Variants in CEP295NL observed in about 807,000 individuals in gnomAD.
The protein encoded by CEP295NL is CEP295 N-terminal like.
Under a neutral mutation model 4.6 loss-of-function variants are expected in CEP295NL, and 3 were observed. The ratio of observed to expected loss-of-function variants is 0.65; its 90% CI spans 0.30 to 1.69. The LOEUF is 1.69. Among genes scored for constraint, CEP295NL ranks in the 40% most tolerant of loss-of-function variants. The pLI, the probability that CEP295NL is intolerant of heterozygous loss-of-function variation, is 0.10. For synonymous variants in CEP295NL, 295 were observed against 312.2 expected, an observed-to-expected ratio of 0.94 and a Z score of 0.58; for missense variants, 719 against 769.0, an observed-to-expected ratio of 0.93 and a Z score of 0.77.
chr17:78,890,754 GGTCGTCGTCGGCGA>G lies in CEP295NL; in HGVS notation c.1736_1749del (p.Leu579ProfsTer25). On this transcript the variant is annotated frameshift_variant, in exon 3 of 3. Coordinates refer to ENST00000322630, the MANE Select transcript of CEP295NL (RefSeq NM_001243540.2). LOFTEE classifies it high-confidence loss of function. ...TGGTCTCGGATCATCTGACTGTGCC[GGTCGTCGTCGGCGA>G]GGCTGGTGCCCGATGGGGAAGTGGT... The G allele has an allele frequency of 6.4e-7, 1 of 1,550,626 alleles. No homozygotes were observed. Among genetic ancestry groups the G allele is most frequent in the Non-Finnish European group, 8.7e-7 (1 of 1,147,012 alleles).
At chr17:78,892,723 A>G (rs1210270375) in intron 2 of CEP295NL, among the ~76,000 whole-genome samples, 1 of 152,146 alleles carries the variant, frequency 6.6e-6, no homozygotes, top group African/African-American at 2.4e-5. Context: ...GTCTGGAAAC[A>G]TTTTCTATTG....
intron 1 of CEP295NL, 85 bp from the exon 2 acceptor site, chr17:78,902,011 T>G: frequency 1.8e-6 from 1 of 570,490 alleles, no homozygotes; most frequent in African/African-American, 1.9e-5. Flanking sequence ...CCTCTAAAAA[T>G]ACCCTCCATG....
rs140056049 is a variant in CEP295NL at position 78,894,149 on chromosome 17, C to T, written c.45-1690G>A. ...TCCCCTCTGAGCACTGGGCATGTAT[C>T]CGTTCATCTTTTTTACAGTAATCCT... On this transcript the variant is annotated intron_variant, in intron 2 of 2. Coordinates refer to ENST00000322630, the MANE Select transcript of CEP295NL (RefSeq NM_001243540.2). Among the ~76,000 whole-genome samples the T allele has an allele frequency of 4.9e-3, 743 of 152,250 alleles. 4 individuals are homozygous for T. The highest frequency in any genetic ancestry group is 0.017 in the African/African-American group (694 of 41,542).
intron 2 of CEP295NL, among the ~76,000 whole-genome samples, chr17:78,895,917 T>C (rs981716904): frequency 4.6e-5 from 7 of 152,238 alleles, no homozygotes; most frequent in African/African-American, 1.7e-4. Flanking sequence ...TGGACAAGTC[T>C]TCCCTGCTCT....
At position 78,891,079 on chromosome 17, in the gene CEP295NL, G is replaced by T; in HGVS notation, c.1425C>A (p.Pro475=). The change falls in exon 3 of 3, where the codon CCC becomes CCA. Residue 475 remains proline, a synonymous_variant. Coordinates refer to ENST00000322630, the MANE Select transcript of CEP295NL (RefSeq NM_001243540.2). This position sits in a 1 kb window ranked among gnomAD's most constrained non-coding sequence, Gnocchi z 4.5. ...AGCCCTCTGCCAGCGTGCCCAGTTT[G>T]GGGGTCTCTTGTCCAGATTCAGTGC... ...LYSTESGQET[P]KLGTLAEGSL... is the part of the protein sequence containing the mutation. 1.3e-6 allele frequency: 2 copies of T among 1,550,966 alleles called. No homozygotes were observed. The highest frequency in any genetic ancestry group is 1.7e-6 in the Non-Finnish European group (2 of 1,147,070).
Position 78,890,814 on chromosome 17 carries a change from C to G in CEP295NL, c.1690G>C (p.Glu564Gln). 1 of 1,550,632 alleles carries G rather than the reference C, an allele frequency of 6.4e-7. No individual in the cohort carries two copies. Among genetic ancestry groups the G allele is most frequent in the Non-Finnish European group, 8.7e-7 (1 of 1,147,004 alleles). The change falls in exon 3 of 3, where the codon GAG becomes CAG. Residue 564 changes from glutamate (E) to glutamine (Q), a missense_variant. Physicochemically the swap from Glu to Gln is conservative, Grantham distance 29 (BLOSUM62 2). Coordinates refer to ENST00000322630, the MANE Select transcript of CEP295NL (RefSeq NM_001243540.2). ...KSSSTRAQER[E>Q]RGSELSTTSP... is the part of the protein sequence containing the mutation. ...GTGGTGCTGAGCTCAGATCCTCTCT[C>G]CCTTTCCTGGGCTCTCGTGGAGGAG... is the stretch of plus-strand genomic sequence containing the variant.
At position 78,891,894 on chromosome 17, in the gene CEP295NL, G is replaced by C. The variant is rs1198919270; in HGVS notation, c.610C>G (p.Pro204Ala). 6.4e-7 allele frequency: 1 copy of C among 1,550,502 alleles called. No homozygotes were observed. The highest frequency in any genetic ancestry group is 8.7e-7 in the Non-Finnish European group (1 of 1,147,012). Reference sequence around the variant, plus strand: ...CGACCCGTGGCTTTTGTAGTCTGTGGTTTCTCTGGACTCGCTGCTGTCTTC... The same window carrying C: ...CGACCCGTGGCTTTTGTAGTCTGTGCTTTCTCTGGACTCGCTGCTGTCTTC... ...PRKTAASPEKPQTTKATGRMN... is the reference protein window; with the variant it reads ...PRKTAASPEKAQTTKATGRMN... The change falls in exon 3 of 3, where the codon CCA becomes GCA. Residue 204 changes from proline (P) to alanine (A), a missense_variant. By Grantham distance (27) the Pro-to-Ala change is conservative. Transcript: ENST00000322630. This position sits in a 1 kb window ranked among gnomAD's most constrained non-coding sequence, Gnocchi z 4.5.
chr17:78,897,105 C>T (rs1289261485), intron 2 of CEP295NL: 3 of 552,714 alleles, frequency 5.4e-6, no homozygotes, highest in Non-Finnish European at 6.9e-6. Context: ...ACCCCCCCGC[C>T]CCCCGCCGGC....
In CEP295NL at chr17:78,892,475, C is replaced by T. The variant is rs764364239; in HGVS notation, c.45-16G>A. On this transcript the variant is annotated splice_polypyrimidine_tract_variant and intron_variant, in intron 2 of 2. Transcript: ENST00000322630. ...CACAGCAAACCTACGAGGAAGGGAG[C>T]ACAAGTGCAGCTTTCCAGATCGCTC... is the stretch of plus-strand genomic sequence containing the variant. The T allele has an allele frequency of 7.1e-5, 109 of 1,537,976 alleles. No homozygotes were observed. The South Asian group carries it at 1.1e-3, about 16-fold the overall frequency.
Position 78,890,924 on chromosome 17 carries a change from T to C in CEP295NL, c.1580A>G (p.Asp527Gly), listed in dbSNP as rs781569818. 1.1e-4 allele frequency: 174 copies of C among 1,550,796 alleles called. 2 individuals carry two copies. In the South Asian group the frequency reaches 1.3e-3, roughly 12 times the overall value. The change falls in exon 3 of 3, where the codon GAT becomes GGT. Residue 527 changes from aspartate (D) to glycine (G), a missense_variant. Asp to Gly is a moderately conservative substitution (Grantham distance 94, BLOSUM62 -1). Transcript: ENST00000322630. ...LESLEQMEHP[D>G]MSLEIHYKAE... is the part of the protein sequence containing the mutation. The stretch of plus-strand genomic sequence containing the variant: ...TTTGTAGTGGATTTCCAAGCTCATA[T>C]CTGGGTGTTCCATTTGTTCAAGCGA...
chr17:78,891,889 CTG>C lies in CEP295NL; in HGVS notation c.613_614del (p.Gln205AspfsTer16), dbSNP rs1372071748. The C allele has an allele frequency of 6.4e-7, 1 of 1,550,496 alleles. No homozygotes were observed. The highest frequency in any genetic ancestry group is 2.0e-5 in the Admixed American group (1 of 50,984). ...TCATCCGACCCGTGGCTTTTGTAGT[CTG>C]TGGTTTCTCTGGACTCGCTGCTGTC... ...RKTAASPEKP[Q>X]TTKATGRMNS... On this transcript the variant is annotated frameshift_variant, in exon 3 of 3. Transcript: ENST00000322630. LOFTEE classifies it low-confidence loss of function (END_TRUNC). The surrounding 1 kb of genome is among the most constrained non-coding windows in gnomAD (Gnocchi z 4.5).
chr17:78,897,979 T>C (rs1484075755), intron 2 of CEP295NL: 1 of 152,160 alleles, frequency 6.6e-6, no homozygotes, highest in Admixed American at 6.5e-5. Flanking sequence ...CAGGAATTGA[T>C]TTCCCCCATG....
chr17:78,890,830 C>G lies in CEP295NL; in HGVS notation c.1674G>C (p.Thr558=). The change falls in exon 3 of 3, where the codon ACG becomes ACC. Residue 558 remains threonine (T), a synonymous_variant. Transcript: ENST00000322630. ...ARLAHLKSSS[T]RAQERERGSE... ...ATCCTCTCTCCCTTTCCTGGGCTCT[C>G]GTGGAGGAGGACTTCAGATGGGCCA... is the stretch of plus-strand genomic sequence containing the variant. 6.4e-7 allele frequency: 1 copy of G among 1,550,594 alleles called. No individual in the cohort carries two copies. The highest frequency in any genetic ancestry group is 8.7e-7 in the Non-Finnish European group (1 of 1,147,008).
At chr17:78,894,085 T>C (rs2069960549) in intron 2 of CEP295NL, among the ~76,000 whole-genome samples, 2 of 152,118 alleles carry the variant, frequency 1.3e-5, no homozygotes, top group Non-Finnish European at 1.5e-5. Flanking sequence ...AGTCAGAAAA[T>C]ACTGCATCTA....
In CEP295NL at chr17:78,891,580, G is replaced by C. The variant is rs146557082; in HGVS notation, c.924C>G (p.Leu308=). ...GQSLEGKLRD[L]GQLWPADSSC... ...TGGAATCAGCTGGCCACAGCTGCCC[G>C]AGGTCTCTCAGCTTCCCCTCCAGAC... The change falls in exon 3 of 3, where the codon CTC becomes CTG. Residue 308 remains leucine, a synonymous_variant. Transcript: ENST00000322630. The surrounding 1 kb of genome is among the most constrained non-coding windows in gnomAD (Gnocchi z 4.5). 11 of 1,550,702 alleles carry C rather than the reference G, an allele frequency of 7.1e-6. No homozygotes were observed. The African/African-American group carries it at 1.4e-4, about 19-fold the overall frequency.
chr17:78,900,096 G>A (rs188544137), intron 2 of CEP295NL: 1 of 152,100 alleles, frequency 6.6e-6, no homozygotes, highest in Non-Finnish European at 1.5e-5. Context: ...GAAATCCCTC[G>A]AGGGCTTTTA....
At chr17:78,893,262 GGT>G (rs565507030) in intron 2 of CEP295NL, among the ~76,000 whole-genome samples, 155 of 140,760 alleles carry the variant, frequency 1.1e-3, no homozygotes, top group East Asian at 6.9e-3. Flanking sequence ...TGTGTGCAGG[GGT>G]GTGTGTGTAG....
chr17:78,892,632 T>C (rs2145771505), intron 2 of CEP295NL, 173 bp from the exon 3 acceptor site: 1 of 973,888 alleles, frequency 1.0e-6, no homozygotes, highest in East Asian at 2.7e-5. Context: ...CCAATTTCTG[T>C]CCTGTACACT....
chr17:78,891,843 C>T lies in CEP295NL; in HGVS notation c.661G>A (p.Glu221Lys), dbSNP rs748045323. 1 of 1,550,742 alleles carries T rather than the reference C, an allele frequency of 6.4e-7. No homozygotes were observed. Among genetic ancestry groups the T allele is most frequent in the South Asian group, 1.2e-5 (1 of 84,066 alleles). Residue 221 changes from glutamate (E) to lysine (K), a missense_variant, in exon 3 of 3, where the codon GAG becomes AAG. Coordinates refer to ENST00000322630, the MANE Select transcript of CEP295NL (RefSeq NM_001243540.2). This position sits in a 1 kb window ranked among gnomAD's most constrained non-coding sequence, Gnocchi z 4.5. ...GRMNSHLAPP[E>K]KRKGRPEPST... ...GGTTCTGGCCTTCCCTTTCTCTTCT[C>T]AGGCGGGGCCAGGTGAGAATTCATC...
Sources: gnomAD v4.1 joint callset for allele counts (sites outside exome capture counted in the v4.1 genomes callset) on GRCh38, gnomAD v4.1.1 for gene constraint, Gnocchi (gnomAD v3.1) non-coding constraint, MANE v1.5 for transcripts, NCBI Gene and HGNC (gene_info 2026-07-23, HGNC 2026-07-21) for gene names.